ADAMTS20: variants seen among roughly 807,000 people sequenced by gnomAD.
ADAMTS20 encodes the protein A disintegrin and metalloproteinase with thrombospondin motifs 20.
In ADAMTS20, 225 loss-of-function variants were observed where a neutral mutation model predicts 260.1. The observed-to-expected ratio is 0.87, with a 90% CI of 0.78 to 0.97. The LOEUF (loss-of-function observed/expected upper bound fraction) is 0.97. ADAMTS20 is among the 50% of genes least tolerant of loss of function. ADAMTS20 has a pLI of 0.00. For missense variants in ADAMTS20, 2,400 were observed against 2,337.7 expected, an observed-to-expected ratio of 1.03 and a Z score of -0.55; for synonymous variants, 802 against 769.5, an observed-to-expected ratio of 1.04 and a Z score of -0.70.
chr12:43,416,680 C>T lies in ADAMTS20; in HGVS notation c.4284+8834G>A, dbSNP rs184765131. On this transcript the variant is annotated intron_variant, in intron 28 of 38. Coordinates refer to ENST00000389420, the MANE Select transcript of ADAMTS20 (RefSeq NM_025003.5). ...GGACTACAGGCGCCCGCCACCACGC[C>T]CGGCTAATTTTTTTGGTATTTTTAG... 4.5e-3 allele frequency among the ~76,000 whole-genome samples: 678 copies of T among 152,166 alleles called. 11 individuals carry two copies. The highest frequency in any genetic ancestry group is 0.016 in the African/African-American group (652 of 41,520).
At chr12:43,359,130 C>T (rs1288417288) in intron 37 of ADAMTS20, among the ~76,000 whole-genome samples, 1 of 152,164 alleles carries the variant, frequency 6.6e-6, no homozygotes, top group Non-Finnish European at 1.5e-5. Flanking sequence ...ACCTCTTCTT[C>T]TACTCTCCTG....
In ADAMTS20 at chr12:43,492,464, A is replaced by G. The variant is rs1200446072; in HGVS notation, c.1076+41T>C. On this transcript the variant is annotated intron_variant, in intron 6 of 38. Transcript: ENST00000389420. ...AAGTATCAGTCATGCAGGAGGGAAG[A>G]GTAAAGGATTGTATGGGAAGGGTTA... The G allele has an allele frequency of 1.9e-6, 3 of 1,596,970 alleles. No homozygotes were observed. The Admixed American group carries it at 5.0e-5, about 27-fold the overall frequency.
At chr12:43,499,054 G>C (rs1256972779) in intron 4 of ADAMTS20, among the ~76,000 whole-genome samples, 4 of 152,258 alleles carry the variant, frequency 2.6e-5, no homozygotes, top group African/African-American at 9.6e-5. Flanking sequence ...AGGTAGCTTA[G>C]AAGTCATCTG....
chr12:43,430,504 T>G, intron 22 of ADAMTS20, 33 bp from the exon 23 acceptor site: 1 of 1,586,792 alleles, frequency 6.3e-7, no homozygotes, highest in Non-Finnish European at 8.6e-7. Flanking sequence ...AAAAAAACAT[T>G]GTTTCCCAAA....
At chr12:43,498,545 T>G (rs960164020) in intron 4 of ADAMTS20, among the ~76,000 whole-genome samples, 6 of 152,218 alleles carry the variant, frequency 3.9e-5, no homozygotes, top group African/African-American at 1.2e-4. Flanking sequence ...CGTGACAGAA[T>G]ATCACCAATA....
At chr12:43,537,281 C>G (rs971198515) in intron 2 of ADAMTS20, among the ~76,000 whole-genome samples, 34 of 151,872 alleles carry the variant, frequency 2.2e-4, no homozygotes, top group Admixed American at 1.3e-4. Flanking sequence ...TCCCGAACTC[C>G]TGAGTTCAAG....
chr12:43,492,171 G>C (rs886715900), intron 6 of ADAMTS20, among the ~76,000 whole-genome samples: 1 of 152,056 alleles, frequency 6.6e-6, no homozygotes, highest in African/African-American at 2.4e-5. Flanking sequence ...ACGAGGTCAG[G>C]AGATCGAGAC....
chr12:43,430,993 C>T (rs915360073), intron 22 of ADAMTS20, among the ~76,000 whole-genome samples: 57 of 152,300 alleles, frequency 3.7e-4, no homozygotes, highest in African/African-American at 1.3e-3. Flanking sequence ...TTCAGCAAAA[C>T]GTCTAAACGA....
At chr12:43,466,828 T>A in intron 8 of ADAMTS20, 33 bp from the exon 9 acceptor site, 1 of 1,487,326 alleles carries the variant, frequency 6.7e-7, no homozygotes. Context: ...AAAAGGAATA[T>A]CAAAAGATGC....
intron 29 of ADAMTS20, among the ~76,000 whole-genome samples, chr12:43,384,778 C>T (rs1367307627): frequency 6.6e-6 from 1 of 152,184 alleles, no homozygotes; most frequent in Non-Finnish European, 1.5e-5. Context: ...CTGCAAAGGA[C>T]ATGAACTCAT....
intron 16 of ADAMTS20, among the ~76,000 whole-genome samples, chr12:43,441,697 T>C (rs1941669058): frequency 6.6e-6 from 1 of 152,220 alleles, no homozygotes. Context: ...ATTAATCAAA[T>C]ACTTTTTTGC....
chr12:43,510,977 T>C (rs1194727621), intron 3 of ADAMTS20, among the ~76,000 whole-genome samples: 1 of 152,128 alleles, frequency 6.6e-6, no homozygotes, highest in African/African-American at 2.4e-5. Context: ...TTTCTATTAA[T>C]GTGAGAAATA....
intron 7 of ADAMTS20, 35 bp downstream of exon 7, chr12:43,490,356 CAATT>C: frequency 9.7e-7 from 1 of 1,034,630 alleles, no homozygotes; most frequent in Non-Finnish European, 1.3e-6. Context: ...ATTCAATAAA[CAATT>C]ACATAAGCTA....
At chr12:43,426,498 T>C (rs1203725505) in intron 27 of ADAMTS20, among the ~76,000 whole-genome samples, 1 of 152,222 alleles carries the variant, frequency 6.6e-6, no homozygotes, top group East Asian at 1.9e-4. Context: ...ATTTTATTTA[T>C]CCAAAGCTAA....
rs533442329 is a variant in ADAMTS20, at chr12:43,427,356, T to C, written c.4059A>G (p.Gln1353=). 1.4e-5 allele frequency: 22 copies of C among 1,613,834 alleles called. No homozygotes were observed. Among genetic ancestry groups the C allele is most frequent in the East Asian group, 1.1e-4 (5 of 44,896 alleles). The change falls in exon 27 of 39, where the codon CAA becomes CAG. Residue 1353 remains glutamine (Q), a synonymous_variant. Transcript: ENST00000389420. ...DAASKPPELQ[Q]CGPGPCPQWN... ...ACTGTGGACAAGGCCCTGGACCACATTGCTGTAACTCTGGAGGCTTGGAGG... is the reference window on the plus strand; with the variant it reads ...ACTGTGGACAAGGCCCTGGACCACACTGCTGTAACTCTGGAGGCTTGGAGG...
chr12:43,460,982 ATATATATTTTTT>A (rs1942050728), intron 11 of ADAMTS20, among the ~76,000 whole-genome samples: 1 of 42,644 alleles, frequency 2.3e-5, no homozygotes, highest in African/African-American at 7.4e-5. Context: ...ATATATATAT[ATATATATTTTTT>A]TTTTTTTTTT....
intron 29 of ADAMTS20, among the ~76,000 whole-genome samples, chr12:43,387,963 G>A (rs1603160): frequency 0.22 from 33,488 of 151,974 alleles, 4,366 homozygotes; most frequent in African/African-American, 0.35. Context: ...TAGCTTGCCG[G>A]ACTCCATGGG....
chr12:43,428,707 G>A lies in ADAMTS20; in HGVS notation c.3582C>T (p.His1194=). ...CCCATATTTCAGCAGGTCGGGGTAA[G>A]TGGGCACAATATGATTCATCTGCTA... ...DRIADESYCA[H]LPRPAEIWDC... is the part of the protein sequence containing the mutation. The change falls in exon 25 of 39, where the codon CAC becomes CAT. Residue 1194 remains histidine, a synonymous_variant. Transcript: ENST00000389420. 1.2e-6 allele frequency: 2 copies of A among 1,612,796 alleles called. No individual in the cohort carries two copies. Among genetic ancestry groups the A allele is most frequent in the South Asian group, 2.2e-5 (2 of 90,996 alleles).
intron 29 of ADAMTS20, among the ~76,000 whole-genome samples, chr12:43,384,771 C>A (rs1940435093): frequency 6.6e-6 from 1 of 152,272 alleles, no homozygotes; most frequent in South Asian, 2.1e-4. Context: ...CGTGTCCCTG[C>A]AAAGGACATG....
Sources: allele counts gnomAD v4.1 joint callset (sites outside exome capture counted in the v4.1 genomes callset), GRCh38; gene constraint gnomAD v4.1.1; transcripts MANE v1.5; gene names NCBI Gene and HGNC (gene_info 2026-07-23, HGNC 2026-07-21).